The following HECW1 variants were observed in gnomAD, a reference collection of about 807,000 sequenced individuals.
HECW1 encodes E3 ubiquitin-protein ligase HECW1.
Under a neutral mutation model 182.3 loss-of-function variants are expected in HECW1, and 61 were observed. The observed-to-expected ratio is 0.33, with a 90% confidence interval of 0.27 to 0.41. The LOEUF (loss-of-function observed/expected upper bound fraction) is 0.41. HECW1 is among the 10% of genes least tolerant of loss of function. The pLI is 1.00. For missense variants in HECW1, 1,739 were observed against 2,108.9 expected, an observed-to-expected ratio of 0.82 and a Z score of 3.44; for synonymous variants, 859 against 832.6, an observed-to-expected ratio of 1.03 and a Z score of -0.55.
At chr7:43,326,615 A>G (rs943449234) in intron 5 of HECW1, among the ~76,000 whole-genome samples, 1 of 152,246 alleles carries the variant, frequency 6.6e-6, no homozygotes, top group Non-Finnish European at 1.5e-5. Flanking sequence ...GCTGTGAATT[A>G]GGAATTACAG....
intron 4 of HECW1, among the ~76,000 whole-genome samples, chr7:43,314,837 G>A (rs1438445870): frequency 6.6e-6 from 1 of 152,224 alleles, no homozygotes; most frequent in East Asian, 1.9e-4. Flanking sequence ...TGCTTTGCCA[G>A]AGATCAAATC....
At chr7:43,198,261 TCA>T (rs1423773388) in intron 2 of HECW1, among the ~76,000 whole-genome samples, 3 of 134,458 alleles carry the variant, frequency 2.2e-5, no homozygotes, top group East Asian at 2.3e-4. Flanking sequence ...ACACACCCAC[TCA>T]CACACACCCC....
In HECW1 at chr7:43,409,193, G is replaced by A. The variant is rs188773895; in HGVS notation, c.801+1462G>A. Among the ~76,000 whole-genome samples the A allele has an allele frequency of 2.4e-3, 358 of 152,282 alleles. 1 individual carries two copies. Among genetic ancestry groups the A allele is most frequent in the African/African-American group, 8.3e-3 (344 of 41,554 alleles). ...GCTTCGTTAGAGCTTTGAAGTGGAC[G>A]TGAGGGAAATAGACTTGTACTTAAA... is the stretch of plus-strand genomic sequence containing the variant. On this transcript the variant is annotated intron_variant, in intron 8 of 29. Coordinates refer to ENST00000395891, the MANE Select transcript of HECW1 (RefSeq NM_015052.5).
chr7:43,207,767 C>G (rs965466300), intron 2 of HECW1: 1 of 152,174 alleles, frequency 6.6e-6, no homozygotes, highest in Admixed American at 6.5e-5. Flanking sequence ...CTTTAAAAAA[C>G]ATGGAATGCT....
chr7:43,419,438 A>G (rs1254297329), intron 8 of HECW1, among the ~76,000 whole-genome samples: 1 of 152,230 alleles, frequency 6.6e-6, no homozygotes, highest in Admixed American at 6.5e-5. Context: ...TAGCATTTTT[A>G]TCATCCAGTA....
intron 24 of HECW1, among the ~76,000 whole-genome samples, chr7:43,534,509 T>G (rs1236722785): frequency 1.3e-5 from 2 of 152,218 alleles, no homozygotes; most frequent in African/African-American, 2.4e-5. Context: ...ATACATTGAC[T>G]CAGCCCCTAA....
At chr7:43,546,313 C>T (rs1388653661) in intron 26 of HECW1, among the ~76,000 whole-genome samples, 1 of 137,732 alleles carries the variant, frequency 7.3e-6, no homozygotes, top group African/African-American at 2.7e-5. Context: ...TTATGCATAA[C>T]ATTTGGACAC....
intron 3 of HECW1, among the ~76,000 whole-genome samples, chr7:43,300,158 C>G (rs1229124039): frequency 1.3e-5 from 2 of 152,234 alleles, no homozygotes; most frequent in Non-Finnish European, 2.9e-5. Flanking sequence ...CCATTCTATC[C>G]TAAATCACTA....
intron 3 of HECW1, among the ~76,000 whole-genome samples, chr7:43,295,251 G>A (rs1805893937): frequency 1.3e-5 from 2 of 152,060 alleles, no homozygotes; most frequent in African/African-American, 4.8e-5. Context: ...GGAGGGAGGT[G>A]TATATCATTT....
chr7:43,415,361 C>G (rs1341300493), intron 8 of HECW1, among the ~76,000 whole-genome samples: 1 of 142,626 alleles, frequency 7.0e-6, no homozygotes, highest in Non-Finnish European at 1.5e-5. Flanking sequence ...TTGGCCCCCA[C>G]TCTCTTCTGG....
intron 6 of HECW1, among the ~76,000 whole-genome samples, chr7:43,362,615 C>G (rs1447410259): frequency 6.6e-6 from 1 of 152,212 alleles, no homozygotes; most frequent in Non-Finnish European, 1.5e-5. Flanking sequence ...CATGTCCTGA[C>G]ACCTGTTAGC....
chr7:43,187,608 T>C (rs1376300437), intron 2 of HECW1, among the ~76,000 whole-genome samples: 1 of 151,172 alleles, frequency 6.6e-6, no homozygotes, highest in Non-Finnish European at 1.5e-5. Context: ...GAAATTTTGA[T>C]TTTATGTGAT....
intron 24 of HECW1, among the ~76,000 whole-genome samples, chr7:43,525,046 G>A (rs772935461): frequency 2.0e-5 from 3 of 152,150 alleles, no homozygotes; most frequent in Non-Finnish European, 4.4e-5. Flanking sequence ...TGCTTTATTT[G>A]TTGATTCAAA....
chr7:43,469,796 CT>C (rs1250743465), intron 16 of HECW1, among the ~76,000 whole-genome samples: 2 of 152,320 alleles, frequency 1.3e-5, no homozygotes, highest in African/African-American at 4.8e-5. Context: ...CTTCTATGAA[CT>C]TTACCAGAGA....
At chr7:43,166,736 G>A (rs755827642) in intron 2 of HECW1, among the ~76,000 whole-genome samples, 5 of 152,182 alleles carry the variant, frequency 3.3e-5, no homozygotes, top group South Asian at 2.1e-4. Flanking sequence ...AGACACTGAG[G>A]TGAATGCTGC....
intron 5 of HECW1, among the ~76,000 whole-genome samples, chr7:43,336,628 G>C (rs1812323929): frequency 6.6e-6 from 1 of 151,884 alleles, no homozygotes; most frequent in Non-Finnish European, 1.5e-5. Context: ...ATGAGGATTG[G>C]GCTTCTAATC....
At chr7:43,489,464 A>G (rs1405098969) in intron 17 of HECW1, among the ~76,000 whole-genome samples, 1 of 152,186 alleles carries the variant, frequency 6.6e-6, no homozygotes, top group East Asian at 1.9e-4. Flanking sequence ...TGCTTTGTAA[A>G]CATTTGAGAC....
In HECW1 at chr7:43,554,585, C is replaced by T. The variant is rs907345349; in HGVS notation, c.4511-7C>T. Reference sequence around the variant, plus strand: ...CCTGTCTTCCTCCCTCCCTTTGCCTCGTGCAGGTTACCACGATGGGCATCT... The same window carrying T: ...CCTGTCTTCCTCCCTCCCTTTGCCTTGTGCAGGTTACCACGATGGGCATCT... On this transcript the variant is annotated splice_region_variant and splice_polypyrimidine_tract_variant and intron_variant, in intron 28 of 29. Transcript: ENST00000395891. 9 of 1,609,676 alleles carry T rather than the reference C, an allele frequency of 5.6e-6. No individual in the cohort carries two copies. In the African/African-American group the frequency reaches 6.7e-5, roughly 12 times the overall value.
At chr7:43,366,323 G>A (rs1313792704) in intron 6 of HECW1, among the ~76,000 whole-genome samples, 1 of 152,098 alleles carries the variant, frequency 6.6e-6, no homozygotes, top group African/African-American at 2.4e-5. Flanking sequence ...TGAGTCTCCT[G>A]CAGTGGACAA....
Sources: allele counts gnomAD v4.1 joint callset (sites outside exome capture counted in the v4.1 genomes callset), GRCh38; gene constraint gnomAD v4.1.1; transcripts MANE v1.5; gene names NCBI Gene and HGNC (gene_info 2026-07-23, HGNC 2026-07-21).